Variants in DNAH11 observed in about 807,000 individuals in gnomAD.
The protein encoded by DNAH11 is axonemal beta dynein heavy chain 11.
DNAH11 carries 442 observed loss-of-function variants against 526.0 expected under a neutral mutation model. The ratio of observed to expected loss-of-function variants is 0.84; its 90% CI spans 0.78 to 0.91. DNAH11 has a LOEUF of 0.91. Ranked by LOEUF, DNAH11 falls within the 40% of genes least tolerant of loss-of-function variation. DNAH11 has a pLI of 0.00. For missense variants in DNAH11, 6,989 were observed against 5,448.7 expected, an observed-to-expected ratio of 1.28 and a Z score of -8.90; for synonymous variants, 2,461 against 1,935.9, an observed-to-expected ratio of 1.27 and a Z score of -7.12.
intron 35 of DNAH11, among the ~76,000 whole-genome samples, chr7:21,695,719 A>G (rs1783821323): frequency 6.6e-6 from 1 of 152,246 alleles, no homozygotes; most frequent in Admixed American, 6.5e-5. Context: ...AGCAATTGCA[A>G]CAAAAGCCAA....
chr7:21,892,402 T>A lies in DNAH11; in HGVS notation c.12508-23T>A, dbSNP rs746789335. 9 of 1,590,806 alleles carry A rather than the reference T, an allele frequency of 5.7e-6. No individual in the cohort carries two copies. The African/African-American group carries it at 9.4e-5, about 17-fold the overall frequency. ...GATGCCTACCTACATTTGGAATAAC[T>A]GACTTTTCCTTTGTGGTTCAAGACT... On this transcript the variant is annotated intron_variant, in intron 76 of 81. Coordinates refer to ENST00000409508, the MANE Select transcript of DNAH11 (RefSeq NM_001277115.2).
In DNAH11 at chr7:21,635,905, T is replaced by G; in HGVS notation, c.4535T>G (p.Val1512Gly). ...QLQTLLQSKY[V>G]EYFIEQVLSW... ...CAGACTCTTCTTCAAAGCAAGTATG[T>G]AGAATATTTCATTGAGCAAGTGTTA... The change falls in exon 26 of 82, where the codon GTA becomes GGA. Residue 1512 changes from valine to glycine, a missense_variant. Coordinates refer to ENST00000409508, the MANE Select transcript of DNAH11 (RefSeq NM_001277115.2). The G allele has an allele frequency of 6.2e-7, 1 of 1,612,908 alleles. No individual in the cohort carries two copies. Among genetic ancestry groups the G allele is most frequent in the Non-Finnish European group, 8.5e-7 (1 of 1,179,390 alleles).
intron 39 of DNAH11, 39 bp downstream of exon 39, chr7:21,705,576 A>G (rs1293717652): frequency 6.3e-7 from 1 of 1,594,056 alleles, no homozygotes; most frequent in African/African-American, 1.3e-5. Context: ...CTATGGAAAG[A>G]ACATTTGTTG....
At chr7:21,844,359 A>G (rs1782333744) in intron 66 of DNAH11, among the ~76,000 whole-genome samples, 3 of 152,228 alleles carry the variant, frequency 2.0e-5, no homozygotes, top group Admixed American at 6.5e-5. Context: ...CCAGGGGCAG[A>G]GGTTGCAGTG....
Position 21,873,316 on chromosome 7 carries a change from C to T in DNAH11, c.12010C>T (p.Leu4004Phe). ...VAKWLGTLEK[L>F]LERFSQGSHR... ...CAAGTGGCTAGGAACCTTGGAGAAG[C>T]TCCTTGAAAGATTCAGCCAAGGAAG... The change falls in exon 74 of 82, where the codon CTC (leucine) becomes TTC (phenylalanine). Residue 4004 changes from leucine (L) to phenylalanine (F), a missense_variant. Transcript: ENST00000409508. 6.2e-7 allele frequency: 1 copy of T among 1,607,806 alleles called. No homozygotes were observed. Among genetic ancestry groups the T allele is most frequent in the Non-Finnish European group, 8.5e-7 (1 of 1,176,888 alleles).
intron 43 of DNAH11, among the ~76,000 whole-genome samples, chr7:21,719,544 G>A (rs1428926062): frequency 2.6e-5 from 4 of 152,102 alleles, no homozygotes; most frequent in African/African-American, 9.7e-5. Context: ...GAACAACATG[G>A]CTTCTACTAA....
intron 66 of DNAH11, among the ~76,000 whole-genome samples, chr7:21,847,681 G>A (rs567653958): frequency 1.1e-4 from 17 of 152,270 alleles, no homozygotes; most frequent in African/African-American, 2.2e-4. Context: ...CATTCGATCC[G>A]GTTGATTGAT....
At chr7:21,623,822 G>C (rs1204332999) in intron 25 of DNAH11, among the ~76,000 whole-genome samples, 1 of 151,510 alleles carries the variant, frequency 6.6e-6, no homozygotes, top group Non-Finnish European at 1.5e-5. Flanking sequence ...TTGTGGGGTG[G>C]GGGGAGGAGG....
At chr7:21,626,928 T>A (rs1166846320) in intron 25 of DNAH11, among the ~76,000 whole-genome samples, 1 of 151,864 alleles carries the variant, frequency 6.6e-6, no homozygotes, top group African/African-American at 2.4e-5. Context: ...TTTTTTGTAT[T>A]TTTAGTAGAG....
chr7:21,795,103 C>T (rs1788653781), intron 61 of DNAH11, among the ~76,000 whole-genome samples: 1 of 152,160 alleles, frequency 6.6e-6, no homozygotes, highest in African/African-American at 2.4e-5. Flanking sequence ...TACTTCCACT[C>T]TGCCTTTCTG....
intron 55 of DNAH11, 29 bp downstream of exon 55, chr7:21,765,618 A>C: frequency 1.5e-6 from 1 of 647,456 alleles, no homozygotes; most frequent in Non-Finnish European, 1.9e-6. Flanking sequence ...CGTCACACAC[A>C]CACACACACA....
At chr7:21,869,120 T>C in intron 73 of DNAH11, 129 bp downstream of exon 73, 2 of 1,343,898 alleles carry the variant, frequency 1.5e-6, no homozygotes, top group Non-Finnish European at 2.0e-6. Flanking sequence ...CAAGCAGTAC[T>C]GTCAGTGTTC....
At position 21,606,714 on chromosome 7, in the gene DNAH11, C is replaced by T. The variant is rs370684371; in HGVS notation, c.3833C>T (p.Pro1278Leu). The stretch of plus-strand genomic sequence containing the variant: ...CCTCTTGGATTTAATGCAGAAAATC[C>T]ATACACAGCGCTTGATAAGGTAATA... ...YAPLGFNAEN[P>L]YTALDKANEE... Residue 1278 changes from proline to leucine, a missense_variant, in exon 20 of 82, where the codon CCA becomes CTA. Coordinates refer to ENST00000409508, the MANE Select transcript of DNAH11 (RefSeq NM_001277115.2). 6.2e-7 allele frequency: 1 copy of T among 1,608,970 alleles called. No homozygotes were observed. Among genetic ancestry groups the T allele is most frequent in the Admixed American group, 1.7e-5 (1 of 59,568 alleles).
At chr7:21,547,805 C>T (rs1211807744) in intron 2 of DNAH11, among the ~76,000 whole-genome samples, 3 of 152,132 alleles carry the variant, frequency 2.0e-5, no homozygotes, top group Non-Finnish European at 2.9e-5. Flanking sequence ...TTTCTATTTA[C>T]TTTCTTTGGT....
intron 12 of DNAH11, 137 bp from the exon 13 acceptor site, chr7:21,590,781 A>G (rs1424750454): frequency 1.7e-5 from 9 of 537,054 alleles, no homozygotes; most frequent in Middle Eastern, 5.3e-4. Context: ...AAAGTATATG[A>G]AACAAAAGTC....
chr7:21,549,332 C>G (rs1782929630), intron 2 of DNAH11, among the ~76,000 whole-genome samples: 1 of 152,178 alleles, frequency 6.6e-6, no homozygotes, highest in African/African-American at 2.4e-5. Flanking sequence ...AACACTTACT[C>G]TTGTTGAGGG....
intron 9 of DNAH11, among the ~76,000 whole-genome samples, chr7:21,587,037 C>A (rs115066998): frequency 6.6e-6 from 1 of 152,162 alleles, no homozygotes; most frequent in Non-Finnish European, 1.5e-5. Context: ...ACTTTTAAAG[C>A]CCTTAACACA....
chr7:21,810,729 G>A (rs1789479537), intron 63 of DNAH11, among the ~76,000 whole-genome samples: 1 of 152,058 alleles, frequency 6.6e-6, no homozygotes, highest in African/African-American at 2.4e-5. Flanking sequence ...GCCAAATCTA[G>A]CCAGGTTTAT....
intron 54 of DNAH11, among the ~76,000 whole-genome samples, chr7:21,764,657 G>A (rs1787092491): frequency 1.3e-5 from 2 of 152,174 alleles, no homozygotes; most frequent in South Asian, 4.1e-4. Flanking sequence ...CTGACCAGGT[G>A]CTCCTCTCAC....
Sources: gnomAD v4.1 joint callset for allele counts (sites outside exome capture counted in the v4.1 genomes callset) on GRCh38, gnomAD v4.1.1 for gene constraint, MANE v1.5 for transcripts, NCBI Gene and HGNC (gene_info 2026-07-23, HGNC 2026-07-21) for gene names.